IL1RAPL1: variants seen among roughly 807,000 people sequenced by gnomAD.
The protein encoded by IL1RAPL1 is interleukin 1 receptor accessory protein like 1.
A neutral mutation model predicts 48.4 loss-of-function variants in IL1RAPL1; 3 were observed. The ratio of observed to expected loss-of-function variants is 0.06; its 90% CI spans 0.03 to 0.16. The LOEUF (loss-of-function observed/expected upper bound fraction) is 0.16, where lower values mean the gene tolerates loss of function less well. IL1RAPL1 is among the 10% of genes least tolerant of loss of function. The pLI, the probability that IL1RAPL1 is intolerant of heterozygous loss-of-function variation, is 1.00. For missense variants in IL1RAPL1, 349 were observed against 530.6 expected (o/e 0.66, Z 3.36); for synonymous variants, 185 against 187.7 (o/e 0.99, Z 0.12).
chrX:29,492,494 T>C (rs2147754494), intron 5 of IL1RAPL1, among the ~76,000 whole-genome samples: 1 of 111,862 alleles, frequency 8.9e-6, no homozygotes, highest in South Asian at 3.7e-4. Context: ...TTTGTCAGCT[T>C]CCAGAAGTTT....
At chrX:29,230,522 A>AAAAAAAAAAAAC (rs1931178799) in intron 2 of IL1RAPL1, among the ~76,000 whole-genome samples, 1 of 90,822 alleles carries the variant, frequency 1.1e-5, no homozygotes, top group Non-Finnish European at 2.1e-5. Context: ...AAAAAAAAAA[A>AAAAAAAAAAAAC]AAAAAAAAAA....
chrX:29,924,742 T>G (rs1169546932), intron 8 of IL1RAPL1, among the ~76,000 whole-genome samples: 5 of 112,017 alleles, frequency 4.5e-5, no homozygotes, highest in African/African-American at 1.6e-4. Flanking sequence ...AAAGTATCTA[T>G]CTGAGAGACT....
intron 2 of IL1RAPL1, among the ~76,000 whole-genome samples, chrX:29,096,178 A>G (rs180812370): frequency 9.0e-6 from 1 of 111,436 alleles, no homozygotes; most frequent in Admixed American, 9.6e-5. Context: ...ACCAAAAACT[A>G]GTCCTGTGGT....
At position 29,849,543 on chromosome X, in the gene IL1RAPL1, G is replaced by C. The variant is rs755419944; in HGVS notation, c.779-67921G>C. On this transcript the variant is annotated intron_variant, in intron 6 of 10. Transcript: ENST00000378993. ...ACTGAATAGAAAGTGTCAGAGGAGG[G>C]GGGACACTTTCATGAAGATTGGTAA... Among the ~76,000 whole-genome samples, 142 of 112,044 alleles carry C rather than the reference G, an allele frequency of 1.3e-3. 2 individuals are homozygous for C. The highest frequency in any genetic ancestry group is 4.3e-3 in the African/African-American group (134 of 30,837).
chrX:29,799,476 G>A (rs999646718), intron 6 of IL1RAPL1, among the ~76,000 whole-genome samples: 3 of 112,083 alleles, frequency 2.7e-5, no homozygotes, highest in East Asian at 5.5e-4. Context: ...GCCATTTATC[G>A]CAGAGAATAT....
chrX:29,360,983 A>G (rs1933368495), intron 3 of IL1RAPL1, among the ~76,000 whole-genome samples: 1 of 111,885 alleles, frequency 8.9e-6, no homozygotes, highest in African/African-American at 3.2e-5. Flanking sequence ...AATATATGTA[A>G]ATAATGATTA....
At chrX:28,766,894 G>C (rs952653331) in intron 1 of IL1RAPL1, among the ~76,000 whole-genome samples, 3 of 110,604 alleles carry the variant, frequency 2.7e-5, no homozygotes, top group African/African-American at 1.0e-4. Context: ...TGGCTGAATA[G>C]TAGTTCATTG....
chrX:28,649,012 G>A (rs1456613988), intron 1 of IL1RAPL1, among the ~76,000 whole-genome samples: 2 of 111,817 alleles, frequency 1.8e-5, no homozygotes, highest in African/African-American at 6.5e-5. Context: ...CTTAAGTAAG[G>A]TGAATTTCAT....
chrX:28,849,282 A>G (rs953101540), intron 2 of IL1RAPL1, among the ~76,000 whole-genome samples: 1 of 111,659 alleles, frequency 9.0e-6, no homozygotes, highest in African/African-American at 3.3e-5. Flanking sequence ...TTATATTTTC[A>G]TCTCTGTGTA....
At chrX:29,590,393 G>C (rs1923328208) in intron 5 of IL1RAPL1, among the ~76,000 whole-genome samples, 1 of 111,596 alleles carries the variant, frequency 9.0e-6, no homozygotes, top group Admixed American at 9.5e-5. Context: ...CTTTAGAAAT[G>C]TACAAAAGGC....
intron 6 of IL1RAPL1, among the ~76,000 whole-genome samples, chrX:29,816,773 TCC>T (rs756036635): frequency 9.2e-6 from 1 of 108,604 alleles, no homozygotes; most frequent in Non-Finnish European, 1.9e-5. Context: ...TTTTCCTTCC[TCC>T]CCCCCCACTG....
chrX:29,546,347 CTT>C (rs1921626469), intron 5 of IL1RAPL1, among the ~76,000 whole-genome samples: 1 of 111,225 alleles, frequency 9.0e-6, no homozygotes, highest in African/African-American at 3.3e-5. Context: ...TACAGCCTGA[CTT>C]TAGTGAGTTC....
chrX:28,789,404 G>T lies in IL1RAPL1; in HGVS notation c.61G>T (p.Val21Phe), dbSNP rs1936510432. ...LYATFTQSLK[V>F]VTKRGSADGC... is the part of the protein sequence containing the mutation. Reference sequence around the variant, plus strand: ...CGCTACTTTTACTCAGAGTTTGAAGGTTGTGACCAAAAGAGGCTCCGGTAA... The same window carrying T: ...CGCTACTTTTACTCAGAGTTTGAAGTTTGTGACCAAAAGAGGCTCCGGTAA... Residue 21 changes from valine (V) to phenylalanine (F), a missense_variant, in exon 2 of 11, where the codon GTT becomes TTT. Coordinates refer to ENST00000378993, the MANE Select transcript of IL1RAPL1 (RefSeq NM_014271.4). The T allele has an allele frequency of 4.1e-6, 5 of 1,204,845 alleles. No individual in the cohort carries two copies. Among genetic ancestry groups the T allele is most frequent in the Middle Eastern group, 4.6e-4 (2 of 4,334 alleles).
chrX:28,930,376 T>C (rs1923847047), intron 2 of IL1RAPL1, among the ~76,000 whole-genome samples: 1 of 111,926 alleles, frequency 8.9e-6, no homozygotes, highest in Admixed American at 9.4e-5. Flanking sequence ...AAGTAAAGTC[T>C]CTAAAATACA....
At chrX:29,630,513 A>G (rs1391353077) in intron 5 of IL1RAPL1, among the ~76,000 whole-genome samples, 1 of 108,365 alleles carries the variant, frequency 9.2e-6, no homozygotes, top group African/African-American at 3.4e-5. Context: ...GAAACATTTA[A>G]TACTCCAGAG....
intron 2 of IL1RAPL1, among the ~76,000 whole-genome samples, chrX:28,918,221 T>C (rs752547538): frequency 5.5e-4 from 62 of 112,123 alleles, no homozygotes; most frequent in South Asian, 2.2e-3. Flanking sequence ...ATTAAACATC[T>C]CCTTTTAACA....
intron 5 of IL1RAPL1, among the ~76,000 whole-genome samples, chrX:29,451,447 G>A (rs1250860424): frequency 9.0e-6 from 1 of 110,999 alleles, no homozygotes; most frequent in Non-Finnish European, 1.9e-5. Context: ...TGCGTGACTT[G>A]GCCTCCCAAA....
In IL1RAPL1 at chrX:29,291,773, C is replaced by T. The variant is rs143226755; in HGVS notation, c.362+8556C>T. 3.0e-3 allele frequency among the ~76,000 whole-genome samples: 341 copies of T among 112,415 alleles called. 1 individual carries two copies. Among genetic ancestry groups the T allele is most frequent in the African/African-American group, 0.01 (318 of 31,025 alleles). ...TATCCCTTTTGGTATAAGGTAGTAT[C>T]GTTCCTTAAAATGTTGTGAAGCTTC... On this transcript the variant is annotated intron_variant, in intron 3 of 10. Transcript: ENST00000378993.
chrX:29,434,901 C>T (rs1196590145), intron 5 of IL1RAPL1, among the ~76,000 whole-genome samples: 1 of 110,965 alleles, frequency 9.0e-6, no homozygotes, highest in Non-Finnish European at 1.9e-5. Flanking sequence ...TGTTGTGCAA[C>T]CATTACCACT....
Sources: allele counts gnomAD v4.1 joint callset (sites outside exome capture counted in the v4.1 genomes callset), GRCh38; gene constraint gnomAD v4.1.1; transcripts MANE v1.5; gene names NCBI Gene and HGNC (gene_info 2026-07-23, HGNC 2026-07-21).